The following TMTC2 variants were observed in gnomAD, a reference collection of about 807,000 sequenced individuals.
TMTC2 encodes the protein transmembrane O-mannosyltransferase targeting cadherins 2, also known as protein O-mannosyl-transferase TMTC2.
A neutral mutation model predicts 82.4 loss-of-function variants in TMTC2; 43 were observed. That is an observed-to-expected ratio of 0.52 (90% CI 0.41 to 0.67). The LOEUF (loss-of-function observed/expected upper bound fraction) is 0.67. Among genes scored for constraint, TMTC2 ranks in the 30% least tolerant of loss-of-function variants. The pLI, the probability that TMTC2 is intolerant of heterozygous loss-of-function variation, is 0.00. For synonymous variants in TMTC2, 408 were observed against 381.9 expected (o/e 1.07, Z -0.80); for missense variants, 919 against 1,012.4 (o/e 0.91, Z 1.25).
At chr12:82,943,997 GA>G (rs1031221281) in intron 4 of TMTC2, among the ~76,000 whole-genome samples, 40 of 152,212 alleles carry the variant, frequency 2.6e-4, no homozygotes, top group African/African-American at 9.6e-4. Flanking sequence ...AAATGAAAAA[GA>G]AAAGAATAGA....
At chr12:82,960,636 G>A (rs1877878803) in intron 4 of TMTC2, among the ~76,000 whole-genome samples, 1 of 151,856 alleles carries the variant, frequency 6.6e-6, no homozygotes, top group African/African-American at 2.4e-5. Context: ...CAGAGAGGGA[G>A]GGAGGAAAGG....
chr12:82,972,967 A>G (rs1230511323), intron 7 of TMTC2, among the ~76,000 whole-genome samples: 2 of 152,168 alleles, frequency 1.3e-5, no homozygotes, highest in African/African-American at 4.8e-5. Flanking sequence ...AATTTTTGAC[A>G]TGATGGTTTA....
chr12:82,830,030 G>T (rs926325216), intron 1 of TMTC2, among the ~76,000 whole-genome samples: 5 of 152,126 alleles, frequency 3.3e-5, no homozygotes, highest in Non-Finnish European at 5.9e-5. Context: ...AATATTAAAG[G>T]TTTTCCTTTT....
At chr12:82,785,030 G>A (rs1437355393) in intron 1 of TMTC2, among the ~76,000 whole-genome samples, 1 of 152,050 alleles carries the variant, frequency 6.6e-6, no homozygotes, top group Non-Finnish European at 1.5e-5. Flanking sequence ...GCTATTACCT[G>A]GCATAGAAGG....
chr12:82,826,946 T>C (rs1233986850), intron 1 of TMTC2, among the ~76,000 whole-genome samples: 1 of 152,214 alleles, frequency 6.6e-6, no homozygotes, highest in Non-Finnish European at 1.5e-5. Context: ...GTATCTATTT[T>C]TTAAAGCTTG....
intron 1 of TMTC2, among the ~76,000 whole-genome samples, chr12:82,773,644 A>G (rs138201824): frequency 1.1e-4 from 16 of 152,012 alleles, no homozygotes; most frequent in Non-Finnish European, 2.1e-4. Flanking sequence ...TATTTTTAGT[A>G]GAGACGGGGT....
intron 7 of TMTC2, among the ~76,000 whole-genome samples, chr12:82,969,015 G>A (rs917621961): frequency 2.0e-5 from 3 of 151,906 alleles, no homozygotes; most frequent in African/African-American, 4.8e-5. Context: ...TCAGTTATTC[G>A]GGAAACTATA....
Position 82,985,906 on chromosome 12 carries a change from T to C in TMTC2, c.1949-19T>C, listed in dbSNP as rs766163588. ...AGCTGTATCCTCCCTTTGACCTTCA[T>C]GATTAATTCTCTTTCCAGGTGAAGC... On this transcript the variant is annotated intron_variant, in intron 7 of 11. Transcript: ENST00000321196. The C allele has an allele frequency of 6.2e-6, 10 of 1,610,338 alleles. No homozygotes were observed. In the South Asian group the frequency reaches 8.8e-5, roughly 14 times the overall value.
chr12:82,845,010 T>C (rs1033280985), intron 1 of TMTC2, among the ~76,000 whole-genome samples: 2 of 150,442 alleles, frequency 1.3e-5, no homozygotes, highest in Admixed American at 6.6e-5. Flanking sequence ...GGCGGATCAC[T>C]TGAGGTCAGG....
rs56354957 is a variant in TMTC2, at chr12:82,778,848, CAAAAAAAAAA to C, written c.84-78141_84-78132del. Among the ~76,000 whole-genome samples, 42 of 23,446 alleles carry C rather than the reference CAAAAAAAAAA, an allele frequency of 1.8e-3. 2 individuals carry two copies. Among genetic ancestry groups the C allele is most frequent in the African/African-American group, 8.0e-3 (40 of 4,974 alleles). 15.4% of individuals were successfully genotyped at this position (23,446 alleles called of 152,430 possible). A position where few individuals can be genotyped will look rare whatever the true frequency, so the allele number is the denominator to read the frequency against. On this transcript the variant is annotated intron_variant, in intron 1 of 11. Coordinates refer to ENST00000321196, the MANE Select transcript of TMTC2 (RefSeq NM_152588.3). ...TAGGCGACAGAGCGAGACTCCGTCT[CAAAAAAAAAA>C]AAAAAAAAAAAAAAAAAAAATGCAA...
chr12:83,060,940 G>A (rs1350531565), intron 10 of TMTC2, among the ~76,000 whole-genome samples: 1 of 151,694 alleles, frequency 6.6e-6, no homozygotes, highest in Non-Finnish European at 1.5e-5. Context: ...TTGGCTGTGA[G>A]CAAGAGAAAC....
At chr12:83,066,681 A>G (rs1261879493) in intron 11 of TMTC2, among the ~76,000 whole-genome samples, 1 of 151,932 alleles carries the variant, frequency 6.6e-6, no homozygotes, top group African/African-American at 2.4e-5. Flanking sequence ...ATTGAGAGGA[A>G]TGGAAAATAA....
intron 1 of TMTC2, among the ~76,000 whole-genome samples, chr12:82,817,691 C>T (rs985737276): frequency 6.6e-6 from 1 of 152,102 alleles, no homozygotes; most frequent in Non-Finnish European, 1.5e-5. Flanking sequence ...CACAGTGAGA[C>T]CATAAAAGAT....
chr12:82,951,708 G>A (rs1290218020), intron 4 of TMTC2, among the ~76,000 whole-genome samples: 1 of 152,172 alleles, frequency 6.6e-6, no homozygotes, highest in Non-Finnish European at 1.5e-5. Flanking sequence ...TAACGTAGCA[G>A]TATTTTAAAA....
At chr12:82,852,355 C>T (rs1871024260) in intron 1 of TMTC2, among the ~76,000 whole-genome samples, 1 of 152,082 alleles carries the variant, frequency 6.6e-6, no homozygotes, top group African/African-American at 2.4e-5. Flanking sequence ...GATCCATCGT[C>T]CTCGGCCTCC....
intron 4 of TMTC2, among the ~76,000 whole-genome samples, chr12:82,959,743 A>G (rs901993683): frequency 6.6e-6 from 1 of 152,106 alleles, no homozygotes; most frequent in Non-Finnish European, 1.5e-5. Flanking sequence ...CCTAAGAGAC[A>G]CCATTCTGAC....
intron 7 of TMTC2, among the ~76,000 whole-genome samples, chr12:82,973,527 A>G (rs934475357): frequency 6.6e-6 from 1 of 152,138 alleles, no homozygotes; most frequent in African/African-American, 2.4e-5. Flanking sequence ...TGAGCAAAAA[A>G]CTATAATTTT....
intron 1 of TMTC2, among the ~76,000 whole-genome samples, chr12:82,761,670 C>T (rs888405502): frequency 6.6e-6 from 1 of 152,172 alleles, no homozygotes; most frequent in African/African-American, 2.4e-5. Context: ...CGGAACCCTG[C>T]TTGGCAGAAG....
intron 11 of TMTC2, among the ~76,000 whole-genome samples, chr12:83,078,442 T>C (rs1174866645): frequency 6.6e-6 from 1 of 152,184 alleles, no homozygotes. Context: ...CATAACATCA[T>C]GTTTGATAAG....
Sources: gnomAD v4.1 joint callset for allele counts (sites outside exome capture counted in the v4.1 genomes callset) on GRCh38, gnomAD v4.1.1 for gene constraint, MANE v1.5 for transcripts, NCBI Gene and HGNC (gene_info 2026-07-23, HGNC 2026-07-21) for gene names.